STX18: variants seen among roughly 807,000 people sequenced by gnomAD.
STX18 encodes the protein syntaxin 18.
Under a neutral mutation model 50.1 loss-of-function variants are expected in STX18, and 40 were observed. The ratio of observed to expected loss-of-function variants is 0.80; its 90% CI spans 0.62 to 1.04. The LOEUF (loss-of-function observed/expected upper bound fraction) is 1.04. Ranked by LOEUF, STX18 falls within the 50% of genes least tolerant of loss-of-function variation. The pLI is 0.00. For synonymous variants in STX18, 158 were observed against 151.8 expected (o/e 1.04, Z -0.30); for missense variants, 410 against 415.8 (o/e 0.99, Z 0.12).
At chr4:4,537,119 C>A (rs1032405807) in intron 1 of STX18, among the ~76,000 whole-genome samples, 1 of 152,080 alleles carries the variant, frequency 6.6e-6, no homozygotes, top group African/African-American at 2.4e-5. Flanking sequence ...GTGTGGTAGC[C>A]CCCCCTGGCT....
chr4:4,474,373 C>A (rs1234258117), intron 1 of STX18, among the ~76,000 whole-genome samples: 1 of 152,142 alleles, frequency 6.6e-6, no homozygotes, highest in African/African-American at 2.4e-5. Flanking sequence ...GAAACTTTTA[C>A]TAAATATTGA....
intron 1 of STX18, among the ~76,000 whole-genome samples, chr4:4,485,908 A>G (rs1728679996): frequency 6.6e-6 from 1 of 151,932 alleles, no homozygotes; most frequent in East Asian, 1.9e-4. Flanking sequence ...CTCACCACAC[A>G]CTTTTTCTGG....
chr4:4,427,792 A>G (rs1346852703), intron 7 of STX18, among the ~76,000 whole-genome samples: 1 of 152,196 alleles, frequency 6.6e-6, no homozygotes, highest in African/African-American at 2.4e-5. Flanking sequence ...TGATAGCTCC[A>G]TGTCCGCCCT....
At chr4:4,441,343 A>G (rs1455663873) in intron 5 of STX18, among the ~76,000 whole-genome samples, 1 of 152,236 alleles carries the variant, frequency 6.6e-6, no homozygotes, top group Non-Finnish European at 1.5e-5. Flanking sequence ...TCTTTGGAAA[A>G]TATAATCTGC....
chr4:4,521,539 G>T (rs1016514560), intron 1 of STX18, among the ~76,000 whole-genome samples: 1 of 152,100 alleles, frequency 6.6e-6, no homozygotes, highest in Non-Finnish European at 1.5e-5. Flanking sequence ...AAAGACTTAA[G>T]AAGAGGCAGC....
chr4:4,481,894 A>C (rs1728481453), intron 1 of STX18, among the ~76,000 whole-genome samples: 1 of 152,092 alleles, frequency 6.6e-6, no homozygotes, highest in Non-Finnish European at 1.5e-5. Flanking sequence ...ACATAAAGGA[A>C]CTGTTCCTTT....
chr4:4,439,096 ACC>A (rs1183719359), intron 5 of STX18, among the ~76,000 whole-genome samples: 1 of 129,492 alleles, frequency 7.7e-6, no homozygotes, highest in South Asian at 2.7e-4. Flanking sequence ...CCACACATAT[ACC>A]CCCACACACA....
rs1458526159 is a variant in STX18, at chr4:4,542,036, C to T, written c.-72G>A. On this transcript the variant is annotated 5_prime_UTR_variant, in exon 1 of 11. Coordinates refer to ENST00000306200, the MANE Select transcript of STX18 (RefSeq NM_016930.4). ...GCCGGCGACCGCGGCGCGAACCCGG[C>T]CGCTGAAGGACTGGTCCTGCCCCAC... The T allele has an allele frequency of 2.7e-6, 4 of 1,464,342 alleles. No homozygotes were observed. Among genetic ancestry groups the T allele is most frequent in the East Asian group, 2.7e-5 (1 of 36,724 alleles). The allele number at this position is 1,464,342 out of a possible 1,614,324, so 90.7% of individuals were successfully genotyped here. A position where few individuals can be genotyped will look rare whatever the true frequency, so the allele number is the denominator to read the frequency against.
Position 4,512,336 on chromosome 4 carries a change from T to TA in STX18, c.168+29460dup, listed in dbSNP as rs954550849. Reference sequence around the variant, plus strand: ...AATAATTCTTTTTCCTAATTCCAATTAAAAAAAAAAATCTTAGGAAAGGAT... The same window carrying TA: ...AATAATTCTTTTTCCTAATTCCAATTAAAAAAAAAAAATCTTAGGAAAGGAT... On this transcript the variant is annotated intron_variant, in intron 1 of 10. Transcript: ENST00000306200. 7.4e-3 allele frequency among the ~76,000 whole-genome samples: 1,097 copies of TA among 148,046 alleles called. 8 individuals carry two copies. Among genetic ancestry groups the TA allele is most frequent in the African/African-American group, 0.024 (981 of 40,530 alleles).
chr4:4,511,439 A>C (rs926707812), intron 1 of STX18, among the ~76,000 whole-genome samples: 3 of 152,240 alleles, frequency 2.0e-5, no homozygotes, highest in African/African-American at 7.2e-5. Flanking sequence ...TGAGTTGAAT[A>C]TTAATCGTAA....
intron 1 of STX18, among the ~76,000 whole-genome samples, chr4:4,522,689 C>A (rs1365238411): frequency 6.6e-6 from 1 of 151,796 alleles, no homozygotes; most frequent in East Asian, 1.9e-4. Flanking sequence ...GTATTAGGAA[C>A]AATAAAAAAT....
chr4:4,459,715 C>T (rs1326004832), intron 2 of STX18, among the ~76,000 whole-genome samples: 2 of 152,124 alleles, frequency 1.3e-5, no homozygotes, highest in African/African-American at 4.8e-5. Flanking sequence ...ACCCAACTGA[C>T]GTAAGCCAGA....
chr4:4,512,542 A>T (rs549961752), intron 1 of STX18, among the ~76,000 whole-genome samples: 1 of 152,298 alleles, frequency 6.6e-6, no homozygotes, highest in African/African-American at 2.4e-5. Flanking sequence ...GACCAAGAAT[A>T]GGTATGTGCC....
At chr4:4,496,062 T>C (rs544547549) in intron 1 of STX18, among the ~76,000 whole-genome samples, 30 of 152,192 alleles carry the variant, frequency 2.0e-4, no homozygotes, top group Non-Finnish European at 4.0e-4. Context: ...CATATACACT[T>C]TCAAAAATGA....
intron 1 of STX18, among the ~76,000 whole-genome samples, chr4:4,497,223 G>A (rs147169407): frequency 1.7e-4 from 26 of 152,262 alleles, no homozygotes; most frequent in African/African-American, 5.5e-4. Context: ...AGGATAGCTC[G>A]ACCTCCAATT....
At chr4:4,514,833 G>A (rs1259764435) in intron 1 of STX18, among the ~76,000 whole-genome samples, 9 of 151,954 alleles carry the variant, frequency 5.9e-5, no homozygotes, top group African/African-American at 2.2e-4. Context: ...GGGTATATGA[G>A]AGAGGATCCA....
chr4:4,425,525 G>A lies in STX18; in HGVS notation c.703-303C>T. The A allele has an allele frequency of 5.9e-6, 3 of 510,600 alleles. No individual in the cohort carries two copies. The South Asian group carries it at 8.3e-5, about 14-fold the overall frequency. 31.6% of individuals were successfully genotyped at this position (510,600 alleles called of 1,614,324 possible). On this transcript the variant is annotated intron_variant, in intron 7 of 10. Coordinates refer to ENST00000306200, the MANE Select transcript of STX18 (RefSeq NM_016930.4). ...TATCTACCTACCCGCTCTCCCCTGG[G>A]ATCCCACGGCCTGCTTCCTGACTCT...
chr4:4,466,479 C>T (rs1727627640), intron 2 of STX18, among the ~76,000 whole-genome samples: 2 of 152,174 alleles, frequency 1.3e-5, no homozygotes, highest in Admixed American at 6.5e-5. Context: ...CACGTGATTC[C>T]ATCTACGATG....
At chr4:4,443,383 GC>G (rs1394940196) in intron 5 of STX18, among the ~76,000 whole-genome samples, 7 of 152,332 alleles carry the variant, frequency 4.6e-5, no homozygotes, top group Admixed American at 2.0e-4. Flanking sequence ...ATGGGGAAAA[GC>G]ATGTATAGAA....
Sources: allele counts gnomAD v4.1 joint callset (sites outside exome capture counted in the v4.1 genomes callset), GRCh38; gene constraint gnomAD v4.1.1; transcripts MANE v1.5; gene names NCBI Gene and HGNC (gene_info 2026-07-23, HGNC 2026-07-21).